RBPJ: variants seen among roughly 807,000 people sequenced by gnomAD.
The protein encoded by RBPJ is recombining binding protein suppressor of hairless.
In RBPJ, 9 loss-of-function variants were observed where a neutral mutation model predicts 67.8. The observed-to-expected ratio is 0.13, with a 90% CI of 0.08 to 0.23. RBPJ has a LOEUF of 0.23. Ranked by LOEUF, RBPJ falls within the 10% of genes least tolerant of loss-of-function variation. The pLI is 1.00. For synonymous variants in RBPJ, 198 were observed against 203.3 expected (o/e 0.97, Z 0.22); for missense variants, 305 against 595.6 (o/e 0.51, Z 5.08).
chr4:26,252,774 T>G (rs1347019432), intron 1 of RBPJ, among the ~76,000 whole-genome samples: 1 of 152,140 alleles, frequency 6.6e-6, no homozygotes, highest in Non-Finnish European at 1.5e-5. Flanking sequence ...GCCAAATAAG[T>G]CTTTTGCTGG....
chr4:26,206,170 A>G lies in RBPJ; in HGVS notation c.-167+42556A>G, dbSNP rs557426520. On this transcript the variant is annotated intron_variant, in intron 1 of 4. Transcript: ENST00000512351. ...TCTCCCCAAAATGAAAAGATTTCGA[A>G]CATTCTAATGTACACAGTTCCATCA... 1.3e-4 allele frequency among the ~76,000 whole-genome samples: 20 copies of G among 152,324 alleles called. No homozygotes were observed. The South Asian group carries it at 4.1e-3, about 32-fold the overall frequency.
chr4:26,285,150 C>T (rs567092601), intron 1 of RBPJ, among the ~76,000 whole-genome samples: 3 of 152,110 alleles, frequency 2.0e-5, no homozygotes, highest in Non-Finnish European at 4.4e-5. Context: ...CCACCACACC[C>T]GGCCAAACTT....
chr4:26,296,522 G>A (rs558042319), intron 1 of RBPJ, among the ~76,000 whole-genome samples: 8 of 152,166 alleles, frequency 5.3e-5, no homozygotes, highest in East Asian at 3.9e-4. Flanking sequence ...TTTATTCGCC[G>A]CTCTATTTCA....
chr4:26,298,586 A>T (rs1237491576), intron 1 of RBPJ, among the ~76,000 whole-genome samples: 1 of 152,246 alleles, frequency 6.6e-6, no homozygotes, highest in African/African-American at 2.4e-5. Flanking sequence ...TATTAAAAGG[A>T]TCTTTTTAAA....
chr4:26,156,459 C>T, the RBPJ span, among the ~76,000 whole-genome samples: 2 of 122,592 alleles, frequency 1.6e-5, no homozygotes, highest in Non-Finnish European at 3.2e-5. Context: ...CACTCTGTAA[C>T]CCAGGCTGGA....
chr4:26,244,443 GTGTA>G (rs373629422), intron 1 of RBPJ, among the ~76,000 whole-genome samples: 64 of 52,788 alleles, frequency 1.2e-3, no homozygotes, highest in Non-Finnish European at 1.8e-3. Context: ...ATACATATGT[GTGTA>G]TACATATATG....
chr4:26,379,518 G>T (rs1730103159), intron 1 of RBPJ, among the ~76,000 whole-genome samples: 1 of 152,140 alleles, frequency 6.6e-6, no homozygotes, highest in Non-Finnish European at 1.5e-5. Context: ...TCACAAAGCT[G>T]CAGGAAAAAG....
intron 1 of RBPJ, among the ~76,000 whole-genome samples, chr4:26,234,377 A>G (rs189211422): frequency 7.9e-4 from 120 of 152,336 alleles, no homozygotes; most frequent in African/African-American, 2.8e-3. Flanking sequence ...TGAAATACAC[A>G]CGCCTGACAA....
chr4:26,337,673 T>C (rs1230691601), intron 1 of RBPJ, among the ~76,000 whole-genome samples: 2 of 144,276 alleles, frequency 1.4e-5, no homozygotes, highest in Non-Finnish European at 3.0e-5. Context: ...ATACTTATAA[T>C]TCTTTATCCT....
At chr4:26,319,977 C>T, upstream of RBPJ, 3 of 1,187,848 alleles carry the variant, frequency 2.5e-6, no homozygotes, top group African/African-American at 1.5e-5. Context: ...CGGGATCAGG[C>T]CGCCTGAAGC....
At chr4:26,361,102 G>A (rs920720664) in intron 1 of RBPJ, among the ~76,000 whole-genome samples, 21 of 149,612 alleles carry the variant, frequency 1.4e-4, no homozygotes, top group African/African-American at 4.9e-4. Context: ...CCATTAGGTT[G>A]TTTTAAGGAG....
rs775975303 is a variant in RBPJ, at chr4:26,430,061, C to A, written c.1044+8C>A. The A allele has an allele frequency of 1.2e-6, 2 of 1,613,872 alleles. No individual in the cohort carries two copies. The highest frequency in any genetic ancestry group is 2.2e-5 in the East Asian group (1 of 44,876). On this transcript the variant is annotated splice_region_variant and intron_variant, in intron 9 of 10. Transcript: ENST00000355476. The surrounding 1 kb of genome is among the most constrained non-coding windows in gnomAD (Gnocchi z 4.1). ...GTGGTAGAGAGCCTTCAGGTGAGAACGCCTAGTCCAAGTTGGCCTTCAGCT... is the reference window on the plus strand; with the variant it reads ...GTGGTAGAGAGCCTTCAGGTGAGAAAGCCTAGTCCAAGTTGGCCTTCAGCT...
At position 26,433,563 on chromosome 4, in the gene RBPJ, C is replaced by T. The variant is rs530673920; in HGVS notation, c.*2556C>T. On this transcript the variant is annotated 3_prime_UTR_variant, in exon 11 of 11. Transcript: ENST00000355476. ...ATGTTTTATTTTGATAGTTTCTTTC[C>T]GTAAGATAATTGAAATATTATACTG... 4.6e-5 allele frequency: 7 copies of T among 151,982 alleles called. No individual in the cohort carries two copies. In the South Asian group the frequency reaches 6.2e-4, roughly 14 times the overall value. The allele number at this position is 151,982 out of a possible 1,614,324, so 9.4% of individuals were successfully genotyped here. A position where few individuals can be genotyped will look rare whatever the true frequency, so the allele number is the denominator to read the frequency against.
chr4:26,319,699 G>C, upstream of RBPJ: 1 of 697,732 alleles, frequency 1.4e-6, no homozygotes, highest in Non-Finnish European at 2.7e-6. Flanking sequence ...GCGTGAGACT[G>C]GACTGCCCGC....
At chr4:26,399,540 TA>T (rs1420541961) in intron 2 of RBPJ, among the ~76,000 whole-genome samples, 6 of 151,636 alleles carry the variant, frequency 4.0e-5, no homozygotes, top group South Asian at 2.1e-4. Flanking sequence ...TTTTTCTGTA[TA>T]AAAAAAGTTT....
chr4:26,430,740 A>T lies in RBPJ; in HGVS notation c.1197A>T (p.Arg399=), dbSNP rs1736131862. 6.2e-7 allele frequency: 1 copy of T among 1,613,932 alleles called. No homozygotes were observed. Among genetic ancestry groups the T allele is most frequent in the South Asian group, 1.1e-5 (1 of 91,074 alleles). Residue 399 remains arginine, a synonymous_variant, in exon 11 of 11, where the codon CGA becomes CGT. Coordinates refer to ENST00000355476, the MANE Select transcript of RBPJ (RefSeq NM_015874.6). This position sits in a 1 kb window ranked among gnomAD's most constrained non-coding sequence, Gnocchi z 4.1. ...TCGTCCCAGACATTTCTGCATTCCG[A>T]GAAGGTTGGAGATGGGTCCGGCAAC... ...LCVVPDISAF[R]EGWRWVRQPV... is the part of the protein sequence containing the mutation.
At chr4:26,385,993 A>G (rs1730878211) in intron 1 of RBPJ, among the ~76,000 whole-genome samples, 2 of 152,050 alleles carry the variant, frequency 1.3e-5, no homozygotes, top group Admixed American at 1.3e-4. Context: ...TAATGATTAC[A>G]TAGGGTATAT....
chr4:26,194,101 A>G (rs993808833), intron 1 of RBPJ, among the ~76,000 whole-genome samples: 1 of 152,198 alleles, frequency 6.6e-6, no homozygotes, highest in African/African-American at 2.4e-5. Flanking sequence ...ATAGCATTTG[A>G]TAGACACACA....
chr4:26,403,488 T>TA (rs1316846630), intron 2 of RBPJ, among the ~76,000 whole-genome samples: 2 of 152,134 alleles, frequency 1.3e-5, no homozygotes, highest in African/African-American at 4.8e-5. Context: ...ACCCAGGTAT[T>TA]ACGCCCAGTA....
Sources: allele counts gnomAD v4.1 joint callset (sites outside exome capture counted in the v4.1 genomes callset), GRCh38; gene constraint gnomAD v4.1.1; non-coding constraint Gnocchi (gnomAD v3.1); transcripts MANE v1.5; gene names NCBI Gene and HGNC (gene_info 2026-07-23, HGNC 2026-07-21).